CRTAC1: variants seen among roughly 807,000 people sequenced by gnomAD.
CRTAC1 encodes the protein cartilage acidic protein 1, also known as acidic secreted protein in cartilage.
CRTAC1 carries 37 observed loss-of-function variants against 67.8 expected under a neutral mutation model. The observed-to-expected ratio is 0.55, with a 90% CI of 0.42 to 0.72. The LOEUF (loss-of-function observed/expected upper bound fraction) is 0.72. Among genes scored for constraint, CRTAC1 ranks in the 30% least tolerant of loss-of-function variants. CRTAC1 has a pLI of 0.00. For synonymous variants in CRTAC1, 348 were observed against 371.0 expected (o/e 0.94, Z 0.71); for missense variants, 780 against 931.6 (o/e 0.84, Z 2.12).
intron 4 of CRTAC1, among the ~76,000 whole-genome samples, chr10:97,920,457 C>G (rs1200830159): frequency 6.6e-6 from 1 of 152,166 alleles, no homozygotes; most frequent in Non-Finnish European, 1.5e-5. Context: ...GGTTCCCACA[C>G]TTTAACCTAT....
intron 2 of CRTAC1, among the ~76,000 whole-genome samples, chr10:98,003,022 A>G (rs910515193): frequency 7.9e-5 from 12 of 151,534 alleles, no homozygotes; most frequent in Non-Finnish European, 1.6e-4. Flanking sequence ...TGACCTCGTG[A>G]TCTGCCCGCC....
intron 2 of CRTAC1, among the ~76,000 whole-genome samples, chr10:97,971,054 T>G (rs2051703561): frequency 6.6e-6 from 1 of 152,266 alleles, no homozygotes; most frequent in African/African-American, 2.4e-5. Context: ...ACATCGCTAG[T>G]ATCAAAGTAA....
intron 2 of CRTAC1, among the ~76,000 whole-genome samples, chr10:97,945,990 C>A (rs1426155598): frequency 2.6e-5 from 4 of 152,192 alleles, no homozygotes; most frequent in Non-Finnish European, 5.9e-5. Flanking sequence ...TAGAGGCACA[C>A]AGAAGGCAGG....
chr10:97,919,031 A>AC (rs3838743), intron 4 of CRTAC1, among the ~76,000 whole-genome samples: 134 of 142,738 alleles, frequency 9.4e-4, no homozygotes, highest in South Asian at 8.6e-3. Flanking sequence ...GTGATCCACC[A>AC]CCCCCCCCCG....
chr10:97,889,502 C>A (rs1042867514), intron 11 of CRTAC1, among the ~76,000 whole-genome samples: 2 of 151,962 alleles, frequency 1.3e-5, no homozygotes, highest in Non-Finnish European at 2.9e-5. Context: ...AGGGACCCCA[C>A]AGCAAGATGT....
At chr10:97,869,845 C>T (rs1453621523) in intron 14 of CRTAC1, 1 of 152,260 alleles carries the variant, frequency 6.6e-6, no homozygotes, top group African/African-American at 2.4e-5. Context: ...ACTCCACATC[C>T]CTCTCCACAC....
intron 1 of CRTAC1, among the ~76,000 whole-genome samples, chr10:98,015,849 T>C (rs1842986607): frequency 1.3e-5 from 2 of 152,176 alleles, no homozygotes; most frequent in South Asian, 4.1e-4. Context: ...TATTGGTCCA[T>C]AAACTACACA....
intron 2 of CRTAC1, among the ~76,000 whole-genome samples, chr10:97,999,098 C>A (rs1055704991): frequency 1.3e-5 from 2 of 152,204 alleles, no homozygotes; most frequent in Non-Finnish European, 2.9e-5. Flanking sequence ...CAGCTGCAGG[C>A]CCAGGCCTCC....
chr10:97,977,941 G>C (rs955676292), intron 2 of CRTAC1, among the ~76,000 whole-genome samples: 4 of 152,160 alleles, frequency 2.6e-5, no homozygotes, highest in Non-Finnish European at 2.9e-5. Flanking sequence ...CTGATGGGGA[G>C]GGGAGGCCTT....
At chr10:97,910,485 G>A (rs1464852654) in intron 5 of CRTAC1, among the ~76,000 whole-genome samples, 1 of 152,186 alleles carries the variant, frequency 6.6e-6, no homozygotes, top group Non-Finnish European at 1.5e-5. Context: ...ATTAAAGTTT[G>A]AAAAGTACTG....
At chr10:97,912,754 C>G (rs1030815010) in intron 5 of CRTAC1, among the ~76,000 whole-genome samples, 2 of 152,196 alleles carry the variant, frequency 1.3e-5, no homozygotes, top group African/African-American at 2.4e-5. Context: ...TCTGCACCTC[C>G]CCTCCTTCAG....
intron 2 of CRTAC1, among the ~76,000 whole-genome samples, chr10:97,993,292 G>C (rs1842494674): frequency 6.6e-6 from 1 of 152,212 alleles, no homozygotes; most frequent in African/African-American, 2.4e-5. Flanking sequence ...CCATAGAGCA[G>C]TTTTTCATCA....
chr10:97,971,277 C>T (rs2051707554), intron 2 of CRTAC1, among the ~76,000 whole-genome samples: 1 of 152,192 alleles, frequency 6.6e-6, no homozygotes, highest in African/African-American at 2.4e-5. Flanking sequence ...TGGATGAATG[C>T]ATAAACAAAA....
At chr10:97,905,456 C>G (rs1403079025) in intron 6 of CRTAC1, among the ~76,000 whole-genome samples, 2 of 152,208 alleles carry the variant, frequency 1.3e-5, no homozygotes, top group African/African-American at 4.8e-5. Flanking sequence ...CCTGACCACG[C>G]ATCTGAGACA....
intron 5 of CRTAC1, among the ~76,000 whole-genome samples, chr10:97,912,432 A>G (rs2136580757): frequency 6.6e-6 from 1 of 152,182 alleles, no homozygotes; most frequent in African/African-American, 2.4e-5. Flanking sequence ...ACATTCTGGC[A>G]CTCTGATGAT....
At chr10:97,909,047 C>A (rs1191223434) in intron 5 of CRTAC1, among the ~76,000 whole-genome samples, 1 of 152,120 alleles carries the variant, frequency 6.6e-6, no homozygotes, top group Non-Finnish European at 1.5e-5. Context: ...ATAAGAACTG[C>A]TTCTGTAGTT....
rs1326377189 is a variant in CRTAC1, at chr10:97,865,179, G to C, written c.*369C>G. 5.1e-6 allele frequency: 1 copy of C among 196,126 alleles called. No individual in the cohort carries two copies. Among genetic ancestry groups the C allele is most frequent in the African/African-American group, 2.3e-5 (1 of 43,342 alleles). 12.1% of individuals were successfully genotyped at this position (196,126 alleles called of 1,614,324 possible). A position where few individuals can be genotyped will look rare whatever the true frequency, so the allele number is the denominator to read the frequency against. On this transcript the variant is annotated 3_prime_UTR_variant, in exon 15 of 15. Coordinates refer to ENST00000370597, the MANE Select transcript of CRTAC1 (RefSeq NM_018058.7). ...GGATGGCTAACAAGTTAAGTGACTGGTGTAAGGTCACATAGCTTTGTGAGT... is the reference window on the plus strand; with the variant it reads ...GGATGGCTAACAAGTTAAGTGACTGCTGTAAGGTCACATAGCTTTGTGAGT...
At chr10:97,880,007 A>G (rs2050191598) in intron 14 of CRTAC1, among the ~76,000 whole-genome samples, 1 of 152,196 alleles carries the variant, frequency 6.6e-6, no homozygotes, top group Non-Finnish European at 1.5e-5. Flanking sequence ...AGGAAAAGTA[A>G]GAAGAATGAT....
chr10:97,958,298 G>A (rs1391049459), intron 2 of CRTAC1, among the ~76,000 whole-genome samples: 1 of 152,112 alleles, frequency 6.6e-6, no homozygotes, highest in Non-Finnish European at 1.5e-5. Context: ...ATGCCAATTG[G>A]CAAAAGAAAG....
Sources: gnomAD v4.1 joint callset for allele counts (sites outside exome capture counted in the v4.1 genomes callset) on GRCh38, gnomAD v4.1.1 for gene constraint, MANE v1.5 for transcripts, NCBI Gene and HGNC (gene_info 2026-07-23, HGNC 2026-07-21) for gene names.